Variants in DIDO1 observed in about 807,000 individuals in gnomAD.
The protein encoded by DIDO1 is death inducer-obliterator 1.
In DIDO1, 16 loss-of-function variants were observed where a neutral mutation model predicts 99.4. The ratio of observed to expected loss-of-function variants is 0.16; its 90% confidence interval spans 0.11 to 0.24. DIDO1 has a LOEUF of 0.24. Ranked by LOEUF, DIDO1 falls within the 10% of genes least tolerant of loss-of-function variation. DIDO1 has a pLI of 1.00. For synonymous variants in DIDO1, 1,366 were observed against 1,239.1 expected (o/e 1.10, Z -2.15); for missense variants, 2,996 against 3,014.0 (o/e 0.99, Z 0.14).
chr20:62,881,331 G>A lies in DIDO1; in HGVS notation c.4625C>T (p.Ala1542Val). The A allele has an allele frequency of 6.2e-7, 1 of 1,604,580 alleles. No homozygotes were observed. Among genetic ancestry groups the A allele is most frequent in the Non-Finnish European group, 8.5e-7 (1 of 1,179,882 alleles). Residue 1542 changes from alanine to valine, a missense_variant, in exon 16 of 16, where the codon GCA (alanine) becomes GTA (valine). This residue lies in a region of DIDO1 where 1,562 missense variants were observed against 1,412.6 expected (regional missense o/e 1.11). Transcript: ENST00000395343. This position sits in a 1 kb window ranked among gnomAD's most constrained non-coding sequence, Gnocchi z 8.3. The part of the protein sequence containing the change: ...AELFQQEQQS[A>V]DKPASLPPAS... Reference sequence around the variant, plus strand: ...GGGGGGCAGTGAGGCGGGCTTGTCTGCAGACTGCTGCTCTTGCTGGAACAG... The same window carrying A: ...GGGGGGCAGTGAGGCGGGCTTGTCTACAGACTGCTGCTCTTGCTGGAACAG...
rs558700066 is a variant in DIDO1, at chr20:62,920,763, C to T, written c.-200+5676G>A. 1.8e-4 allele frequency among the ~76,000 whole-genome samples: 28 copies of T among 152,288 alleles called. No individual in the cohort carries two copies. In the South Asian group the frequency reaches 2.1e-3, roughly 11 times the overall value. ...TGAACGGAGACACTAAGTTTGAATT[C>T]GGAAGGAGAATCCAGAAGCTGTCAG... On this transcript the variant is annotated intron_variant, in intron 1 of 15. Coordinates refer to ENST00000395343, the MANE Select transcript of DIDO1 (RefSeq NM_001193369.2).
intron 12 of DIDO1, 143 bp downstream of exon 12, chr20:62,893,523 A>C: frequency 9.8e-7 from 1 of 1,025,296 alleles, no homozygotes; most frequent in Non-Finnish European, 1.4e-6. Context: ...GCACCCTACA[A>C]CTGGGGCTTT....
At chr20:62,919,488 T>C (rs1209773875) in intron 1 of DIDO1, among the ~76,000 whole-genome samples, 1 of 151,528 alleles carries the variant, frequency 6.6e-6, no homozygotes, top group Non-Finnish European at 1.5e-5. Flanking sequence ...TGCAGTGAGC[T>C]GAGATCGTGC....
rs140756415 is a variant in DIDO1 at position 62,880,465 on chromosome 20, G to A, written c.5491C>T (p.Leu1831Phe). Residue 1831 changes from leucine (L) to phenylalanine (F), a missense_variant, in exon 16 of 16, where the codon CTT becomes TTT. Around this residue, in one of 5 missense-constraint regions of DIDO1, gnomAD observed 1,562 missense variants for 1,412.6 expected, o/e 1.11. Transcript: ENST00000395343. ...GDSRGPSPSY[L>F]GGPRGVAPSQ... Reference sequence around the variant, plus strand: ...GGTGCCACTCCTCGTGGTCCACCAAGGTAAGAGGGTGAGGGGCCTCTGCTG... The same window carrying A: ...GGTGCCACTCCTCGTGGTCCACCAAAGTAAGAGGGTGAGGGGCCTCTGCTG... The A allele has an allele frequency of 5.7e-5, 92 of 1,612,830 alleles. No individual in the cohort carries two copies. The African/African-American group carries it at 1.0e-3, about 18-fold the overall frequency.
chr20:62,911,987 G>A lies in DIDO1; in HGVS notation c.-2-373C>T, dbSNP rs544156925. Among the ~76,000 whole-genome samples, 9 of 151,778 alleles carry A rather than the reference G, an allele frequency of 5.9e-5. No homozygotes were observed. Among genetic ancestry groups the A allele is most frequent in the Non-Finnish European group, 1.5e-5 (1 of 68,024 alleles). On this transcript the variant is annotated intron_variant, in intron 2 of 15. Coordinates refer to ENST00000395343, the MANE Select transcript of DIDO1 (RefSeq NM_001193369.2). This position sits in a 1 kb window ranked among gnomAD's most constrained non-coding sequence, Gnocchi z 7.0. Reference sequence around the variant, plus strand: ...ACGTGAGCAAGGACGCGAGCAGCTCGGAGGTGGCACGAGCTCCCCAGCACC... The same window carrying A: ...ACGTGAGCAAGGACGCGAGCAGCTCAGAGGTGGCACGAGCTCCCCAGCACC...
rs1319062939 is a variant in DIDO1, at chr20:62,878,428, G to A, written c.*805C>T. 6.6e-6 allele frequency: 1 copy of A among 152,120 alleles called. No homozygotes were observed. The highest frequency in any genetic ancestry group is 1.9e-4 in the East Asian group (1 of 5,202). The allele number at this position is 152,120 out of a possible 1,614,324, so 9.4% of individuals were successfully genotyped here. A position where few individuals can be genotyped will look rare whatever the true frequency, so the allele number is the denominator to read the frequency against. On this transcript the variant is annotated 3_prime_UTR_variant, in exon 16 of 16. Transcript: ENST00000395343. ...GTTTGGGGCCGAGCGTACTTTTCCC[G>A]GGATACAGAAGAACTGCTCAGAAGG...
Position 62,881,892 on chromosome 20 carries a change from G to A in DIDO1, c.4064C>T (p.Pro1355Leu), listed in dbSNP as rs1048447964. ...EPKTTAEDGV[P>L]APPLLDPIVQ... ...GATCGGATCTAACAACGGAGGTGCC[G>A]GCACCCCGTCCTCTGCTGTGGTTTT... The change falls in exon 16 of 16, where the codon CCG (proline) becomes CTG (leucine). Residue 1355 changes from proline to leucine, a missense_variant. Pro to Leu is a moderately conservative substitution (Grantham distance 98). Coordinates refer to ENST00000395343, the MANE Select transcript of DIDO1 (RefSeq NM_001193369.2). This position sits in a 1 kb window ranked among gnomAD's most constrained non-coding sequence, Gnocchi z 8.3. 9.9e-6 allele frequency: 16 copies of A among 1,613,360 alleles called. No individual in the cohort carries two copies. The highest frequency in any genetic ancestry group is 2.7e-5 in the African/African-American group (2 of 74,912).
chr20:62,895,553 A>C (rs779007363), intron 8 of DIDO1, among the ~76,000 whole-genome samples: 4 of 152,264 alleles, frequency 2.6e-5, no homozygotes, highest in Non-Finnish European at 4.4e-5. Flanking sequence ...AAAGGAAGGA[A>C]GAAATCATTT....
At chr20:62,906,340 C>T (rs532114556) in intron 5 of DIDO1, among the ~76,000 whole-genome samples, 32 of 152,268 alleles carry the variant, frequency 2.1e-4, no homozygotes, top group South Asian at 6.2e-4. Context: ...CCGTGAAGGG[C>T]GGCTGGCACA....
upstream of DIDO1, among the ~76,000 whole-genome samples, chr20:62,927,074 C>T (rs2065269676): frequency 1.3e-5 from 2 of 152,112 alleles, no homozygotes; most frequent in Admixed American, 1.3e-4. Context: ...TGCTGCCTCC[C>T]CACCCCAAGC....
chr20:62,889,005 G>A, intron 15 of DIDO1: 1 of 985,484 alleles, frequency 1.0e-6, no homozygotes, highest in Non-Finnish European at 1.2e-6. Flanking sequence ...CTTTATCGTG[G>A]ATCAAAGTCC....
chr20:62,924,495 C>T (rs1266837852), intron 1 of DIDO1, among the ~76,000 whole-genome samples: 1 of 152,098 alleles, frequency 6.6e-6, no homozygotes. Flanking sequence ...AGAGAAGCAC[C>T]CTACTGGGCT....
At chr20:62,913,827 T>C (rs1008267553) in intron 2 of DIDO1, among the ~76,000 whole-genome samples, 1 of 152,374 alleles carries the variant, frequency 6.6e-6, no homozygotes, top group South Asian at 2.1e-4. Context: ...AGCTCTAGTT[T>C]ATAAAACTGG....
intron 15 of DIDO1, 131 bp downstream of exon 15, chr20:62,890,829 C>A (rs1315559835): frequency 1.3e-6 from 2 of 1,558,344 alleles, no homozygotes; most frequent in South Asian, 1.2e-5. Flanking sequence ...TATTGCTAAC[C>A]GCTGCGTCTG....
At chr20:62,902,450 G>A (rs548556013) in intron 6 of DIDO1, among the ~76,000 whole-genome samples, 1 of 152,316 alleles carries the variant, frequency 6.6e-6, no homozygotes, top group African/African-American at 2.4e-5. Flanking sequence ...TATTGCCGCT[G>A]ACAACTCTGG....
intron 6 of DIDO1, among the ~76,000 whole-genome samples, chr20:62,904,185 A>T (rs2064748729): frequency 6.7e-6 from 1 of 150,104 alleles, no homozygotes; most frequent in African/African-American, 2.5e-5. Flanking sequence ...AAACCAATGT[A>T]CAGCTAAATT....
At chr20:62,902,893 G>A (rs1013081486) in intron 6 of DIDO1, among the ~76,000 whole-genome samples, 1 of 152,166 alleles carries the variant, frequency 6.6e-6, no homozygotes, top group South Asian at 2.1e-4. Flanking sequence ...GAGCCATTTA[G>A]GGAGACAAAA....
chr20:62,900,219 G>A (rs370811654), intron 6 of DIDO1, among the ~76,000 whole-genome samples: 4 of 152,202 alleles, frequency 2.6e-5, no homozygotes, highest in Admixed American at 1.3e-4. Flanking sequence ...CCCCTTGGTC[G>A]CAGTGCTGTC....
At position 62,896,382 on chromosome 20, in the gene DIDO1, T is replaced by C; in HGVS notation, c.2065A>G (p.Ser689Gly). 3 of 1,614,046 alleles carry C rather than the reference T, an allele frequency of 1.9e-6. No individual in the cohort carries two copies. The highest frequency in any genetic ancestry group is 2.5e-6 in the Non-Finnish European group (3 of 1,179,990). The change falls in exon 8 of 16, where the codon AGC (serine) becomes GGC (glycine). Residue 689 changes from serine to glycine, a missense_variant. Around this residue, in one of 5 missense-constraint regions of DIDO1, gnomAD observed 898 missense variants for 972.7 expected, o/e 0.92. Transcript: ENST00000395343. The surrounding 1 kb of genome is among the most constrained non-coding windows in gnomAD (Gnocchi z 4.4). ...KEILWKRVND[S>G]DDLIMTENEV... The stretch of plus-strand genomic sequence containing the variant: ...TTTTCTGTCATGATTAAGTCATCGC[T>C]GTCATTGACTCTGAACAGAATAAAA...
Sources: allele counts gnomAD v4.1 joint callset (sites outside exome capture counted in the v4.1 genomes callset), GRCh38; gene constraint gnomAD v4.1.1; regional missense constraint gnomAD v4.1.1; non-coding constraint Gnocchi (gnomAD v3.1); transcripts MANE v1.5; gene names NCBI Gene and HGNC (gene_info 2026-07-23, HGNC 2026-07-21).